The following FHOD1 variants were observed in gnomAD, a reference collection of about 807,000 sequenced individuals.
FHOD1 encodes the protein formin homology 2 domain containing 1.
FHOD1 carries 89 observed loss-of-function variants against 111.6 expected under a neutral mutation model. The ratio of observed to expected loss-of-function variants is 0.80; its 90% CI spans 0.67 to 0.95. The LOEUF is 0.95. FHOD1 is among the 40% of genes least tolerant of loss of function. FHOD1 has a pLI of 0.00. For missense variants in FHOD1, 1,446 were observed against 1,554.2 expected, an observed-to-expected ratio of 0.93 and a Z score of 1.17; for synonymous variants, 618 against 639.0, an observed-to-expected ratio of 0.97 and a Z score of 0.50.
At chr16:67,246,066 G>A (rs1353888065) in intron 1 of FHOD1, among the ~76,000 whole-genome samples, 1 of 152,240 alleles carries the variant, frequency 6.6e-6, no homozygotes, top group African/African-American at 2.4e-5. Context: ...CTTGAAGCCG[G>A]GGTTCTGGCC....
In FHOD1 at chr16:67,231,583, T is replaced by G. The variant is rs777114291; in HGVS notation, c.2386-34A>C. 1 of 1,614,100 alleles carries G rather than the reference T, an allele frequency of 6.2e-7. No individual in the cohort carries two copies. On this transcript the variant is annotated intron_variant, in intron 15 of 21. Coordinates refer to ENST00000258201, the MANE Select transcript of FHOD1 (RefSeq NM_013241.3). The surrounding 1 kb of genome is among the most constrained non-coding windows in gnomAD (Gnocchi z 4.3). ...GGAGACCAGGGACTCTCAGACTACATGGTCATGATGCTTACCTGTCCCTAC... is the reference window on the plus strand; with the variant it reads ...GGAGACCAGGGACTCTCAGACTACAGGGTCATGATGCTTACCTGTCCCTAC...
In FHOD1 at chr16:67,232,088, G is replaced by A. The variant is rs749936714; in HGVS notation, c.2153C>T (p.Ala718Val). 3 of 1,614,250 alleles carry A rather than the reference G, an allele frequency of 1.9e-6. No homozygotes were observed. In the East Asian group the frequency reaches 6.7e-5, roughly 36 times the overall value. The change falls in exon 14 of 22, where the codon GCT becomes GTT. Residue 718 changes from alanine to valine, a missense_variant. This residue lies in a region of FHOD1 where 1,085 missense variants were observed against 1,108.8 expected (regional missense o/e 0.98). Transcript: ENST00000258201. ...TTLPPVHVIK[A>V]ALLNFDEFAV... ...AAACTCATCAAAGTTGAGCAGAGCA[G>A]CCTTAATGACATGCACAGGTGGCAG...
At position 67,229,462 on chromosome 16, in the gene FHOD1, GCACA is replaced by G. The variant is rs925434040; in HGVS notation, c.*170_*173del. ...CACACACATGCACATGCATATGCAT[GCACA>G]CACACACATACACACACACTCACAT... On this transcript the variant is annotated 3_prime_UTR_variant, in exon 22 of 22. Coordinates refer to ENST00000258201, the MANE Select transcript of FHOD1 (RefSeq NM_013241.3). 9.4e-6 allele frequency: 6 copies of G among 635,782 alleles called. No homozygotes were observed. Among genetic ancestry groups the G allele is most frequent in the African/African-American group, 3.7e-5 (2 of 54,536 alleles). 39.4% of individuals were successfully genotyped at this position (635,782 alleles called of 1,614,324 possible). A position where few individuals can be genotyped will look rare whatever the true frequency, so the allele number is the denominator to read the frequency against.
At chr16:67,232,219 G>T (rs778447930) in intron 13 of FHOD1, 25 bp from the exon 14 acceptor site, 2 of 1,612,796 alleles carry the variant, frequency 1.2e-6, no homozygotes, top group African/African-American at 1.3e-5. Flanking sequence ...GAAGGGCAGT[G>T]TAAGACTGAG....
Position 67,237,308 on chromosome 16 carries a change from C to T in FHOD1, c.924G>A (p.Ala308=). The part of the protein sequence containing the change: ...TDALEQQGME[A]LVQRHLGTAG... ...CAGTGCCCAGGTGGCGCTGGACCAG[C>T]GCTTCCATGCCCTGCTGCTCCAGTG... The change falls in exon 9 of 22, where the codon GCG becomes GCA. Residue 308 remains alanine (A), a synonymous_variant. Coordinates refer to ENST00000258201, the MANE Select transcript of FHOD1 (RefSeq NM_013241.3). The surrounding 1 kb of genome is among the most constrained non-coding windows in gnomAD (Gnocchi z 5.6). 6.2e-7 allele frequency: 1 copy of T among 1,613,998 alleles called. No individual in the cohort carries two copies. Among genetic ancestry groups the T allele is most frequent in the Non-Finnish European group, 8.5e-7 (1 of 1,180,020 alleles).
chr16:67,236,923 C>T lies in FHOD1; in HGVS notation c.1142+43G>A, dbSNP rs770967611. ...GGCCTGTCAGCTCACTGGGCCATGC[C>T]TAGTAGATCCACCCTTTCCCATCTA... is the stretch of plus-strand genomic sequence containing the variant. On this transcript the variant is annotated intron_variant, in intron 10 of 21. Transcript: ENST00000258201. 4 of 1,537,098 alleles carry T rather than the reference C, an allele frequency of 2.6e-6. No individual in the cohort carries two copies. The Admixed American group carries it at 6.2e-5, about 24-fold the overall frequency.
rs963275689 is a variant in FHOD1 at position 67,238,025 on chromosome 16, G to A, written c.642+9C>T. ...CAAAGGGTATAAGGCTGAGTGGAGA[G>A]CCACTTACCAGGCTGGCACACAATG... On this transcript the variant is annotated intron_variant, in intron 6 of 21. Coordinates refer to ENST00000258201, the MANE Select transcript of FHOD1 (RefSeq NM_013241.3). This position sits in a 1 kb window ranked among gnomAD's most constrained non-coding sequence, Gnocchi z 4.2. The A allele has an allele frequency of 3.7e-6, 6 of 1,613,378 alleles. 1 individual carries two copies. The Admixed American group carries it at 1.0e-4, about 27-fold the overall frequency.
At chr16:67,239,982 G>T (rs1174922295) in intron 1 of FHOD1, among the ~76,000 whole-genome samples, 1 of 152,202 alleles carries the variant, frequency 6.6e-6, no homozygotes, top group Non-Finnish European at 1.5e-5. Flanking sequence ...ACAGCCCTGT[G>T]GGGTGATAAG....
In FHOD1 at chr16:67,231,043, C is replaced by G. The variant is rs2034247607; in HGVS notation, c.2667+145G>C. On this transcript the variant is annotated intron_variant, in intron 17 of 21. Coordinates refer to ENST00000258201, the MANE Select transcript of FHOD1 (RefSeq NM_013241.3). This position sits in a 1 kb window ranked among gnomAD's most constrained non-coding sequence, Gnocchi z 4.3. ...CAGGCCAATAGAGGAAAGAGCATTT[C>G]TGGCAGAGGGCATAGCTCACACCCA... 9.1e-7 allele frequency: 1 copy of G among 1,103,322 alleles called. No individual in the cohort carries two copies. The highest frequency in any genetic ancestry group is 2.7e-5 in the Admixed American group (1 of 37,462). The allele number at this position is 1,103,322 out of a possible 1,614,324, so 68.3% of individuals were successfully genotyped here.
Position 67,237,581 on chromosome 16 carries a change from A to C in FHOD1, c.755-12T>G. 6.2e-7 allele frequency: 1 copy of C among 1,613,822 alleles called. No individual in the cohort carries two copies. On this transcript the variant is annotated splice_polypyrimidine_tract_variant and intron_variant, in intron 7 of 21. Coordinates refer to ENST00000258201, the MANE Select transcript of FHOD1 (RefSeq NM_013241.3). This position sits in a 1 kb window ranked among gnomAD's most constrained non-coding sequence, Gnocchi z 5.6. The stretch of plus-strand genomic sequence containing the variant: ...CCAGGGAGGAGCACCTGCCACACAG[A>C]AAGTGGAGCAGTCATGGGGGAACAG...
chr16:67,239,840 C>T (rs1228465304), intron 1 of FHOD1, among the ~76,000 whole-genome samples: 1 of 152,210 alleles, frequency 6.6e-6, no homozygotes, highest in African/African-American at 2.4e-5. Flanking sequence ...TTGCTCCCTG[C>T]TGTATCTATA....
chr16:67,230,519 G>A lies in FHOD1; in HGVS notation c.2859-13C>T, dbSNP rs756404268. The A allele has an allele frequency of 5.6e-6, 9 of 1,614,058 alleles. No individual in the cohort carries two copies. The highest frequency in any genetic ancestry group is 1.7e-5 in the Admixed American group (1 of 60,030). Reference sequence around the variant, plus strand: ...GAAGGCATGGAACCTAGGCAGGTCAGAGTAGGGAGGGACAGTAAGTCCTGC... The same window carrying A: ...GAAGGCATGGAACCTAGGCAGGTCAAAGTAGGGAGGGACAGTAAGTCCTGC... On this transcript the variant is annotated splice_polypyrimidine_tract_variant and intron_variant, in intron 18 of 21. Transcript: ENST00000258201.
At chr16:67,243,754 A>G (rs1366163374) in intron 1 of FHOD1, among the ~76,000 whole-genome samples, 2 of 152,178 alleles carry the variant, frequency 1.3e-5, no homozygotes, top group African/African-American at 4.8e-5. Context: ...GGACTCTGCA[A>G]ATACCCCATA....
chr16:67,245,441 A>G (rs1034735471), intron 1 of FHOD1, among the ~76,000 whole-genome samples: 2 of 152,084 alleles, frequency 1.3e-5, no homozygotes, highest in African/African-American at 4.8e-5. Context: ...GCTTGCCCCC[A>G]GCTGGGAAGA....
chr16:67,245,759 CG>C (rs1159555069), intron 1 of FHOD1, among the ~76,000 whole-genome samples: 1 of 151,348 alleles, frequency 6.6e-6, no homozygotes, highest in Admixed American at 6.6e-5. Flanking sequence ...AAAAAAAAAT[CG>C]GGGGGGTGGT....
rs759719315 is a variant in FHOD1, at chr16:67,232,146, G to A, written c.2095C>T (p.Arg699Cys). The A allele has an allele frequency of 2.3e-5, 37 of 1,614,056 alleles. No individual in the cohort carries two copies. Among genetic ancestry groups the A allele is most frequent in the South Asian group, 4.4e-5 (4 of 91,084 alleles). ...AGGCCGATGTTGATGGCGTTGCTGC[G>A]CTTGGGGTCCAGCACTGTGGTCATT... ...RTMTTVLDPK[R>C]SNAINIGLTT... Residue 699 changes from arginine to cysteine, a missense_variant, in exon 14 of 22, where the codon CGC becomes TGC. Coordinates refer to ENST00000258201, the MANE Select transcript of FHOD1 (RefSeq NM_013241.3).
chr16:67,238,412 G>T lies in FHOD1; in HGVS notation c.409C>A (p.Arg137Ser), dbSNP rs748830125. 8 of 1,614,096 alleles carry T rather than the reference G, an allele frequency of 5.0e-6. No individual in the cohort carries two copies. The highest frequency in any genetic ancestry group is 6.8e-6 in the Non-Finnish European group (8 of 1,180,012). ...ATCTGCTTCAGTGAGAAGAGGGAGCGGCGGAGCTCAGGACCACTGGAGCTA... is the reference window on the plus strand; with the variant it reads ...ATCTGCTTCAGTGAGAAGAGGGAGCTGCGGAGCTCAGGACCACTGGAGCTA... ...LYSSSGPELR[R>S]SLFSLKQIFQ... The change falls in exon 4 of 22, where the codon CGC becomes AGC. Residue 137 changes from arginine (R) to serine (S), a missense_variant. Around this residue, in one of 3 missense-constraint regions of FHOD1, gnomAD observed 234 missense variants for 327.4 expected, o/e 0.71. Coordinates refer to ENST00000258201, the MANE Select transcript of FHOD1 (RefSeq NM_013241.3). This position sits in a 1 kb window ranked among gnomAD's most constrained non-coding sequence, Gnocchi z 4.2.
chr16:67,239,424 A>G lies in FHOD1; in HGVS notation c.232T>C (p.Ser78Pro). 1 of 1,614,100 alleles carries G rather than the reference A, an allele frequency of 6.2e-7. No homozygotes were observed. Among genetic ancestry groups the G allele is most frequent in the Non-Finnish European group, 8.5e-7 (1 of 1,179,992 alleles). ...LEDCALQVSP[S>P]GYYLDTELSL... ...AGCTCGGTGTCCAGGTAGTATCCGGAGGGAGACACTTGCAGAGCACAATCC... is the reference window on the plus strand; with the variant it reads ...AGCTCGGTGTCCAGGTAGTATCCGGGGGGAGACACTTGCAGAGCACAATCC... The change falls in exon 2 of 22, where the codon TCC becomes CCC. Residue 78 changes from serine (S) to proline (P), a missense_variant. Ser to Pro is a moderately conservative substitution (Grantham distance 74). Transcript: ENST00000258201.
intron 11 of FHOD1, 137 bp downstream of exon 11, chr16:67,236,420 G>A (rs1405096489): frequency 6.8e-7 from 1 of 1,479,968 alleles, no homozygotes; most frequent in African/African-American, 1.4e-5. Flanking sequence ...CCAAACGGAA[G>A]CAGTTTGGTG....
Sources: gnomAD v4.1 joint callset for allele counts (sites outside exome capture counted in the v4.1 genomes callset) on GRCh38, gnomAD v4.1.1 for gene constraint, gnomAD v4.1.1 regional missense constraint, Gnocchi (gnomAD v3.1) non-coding constraint, MANE v1.5 for transcripts, NCBI Gene and HGNC (gene_info 2026-07-23, HGNC 2026-07-21) for gene names.